PIK3R6: variants seen among roughly 807,000 people sequenced by gnomAD.
PIK3R6 encodes phosphoinositide-3-kinase regulatory subunit 6.
PIK3R6 carries 91 observed loss-of-function variants against 84.9 expected under a neutral mutation model. That is an observed-to-expected ratio of 1.07 (90% confidence interval 0.90 to 1.28). The LOEUF (loss-of-function observed/expected upper bound fraction) is 1.28, where lower values mean the gene tolerates loss of function less well. PIK3R6 is among the 50% of genes most tolerant of loss of function. The probability of loss-of-function intolerance (pLI) is 0.00; values close to 1 mark genes in which losing one functional copy is unlikely to be tolerated. For synonymous variants in PIK3R6, 416 were observed against 411.4 expected, an observed-to-expected ratio of 1.01 and a Z score of -0.13; for missense variants, 996 against 985.1, an observed-to-expected ratio of 1.01 and a Z score of -0.15.
chr17:8,842,440 A>G lies in PIK3R6; in HGVS notation c.14-2743T>C, dbSNP rs2088706841. 6.6e-6 allele frequency among the ~76,000 whole-genome samples: 1 copy of G among 151,930 alleles called. No individual in the cohort carries two copies. The highest frequency in any genetic ancestry group is 1.9e-4 in the East Asian group (1 of 5,176). On this transcript the variant is annotated intron_variant, in intron 2 of 19. Coordinates refer to ENST00000619866, the MANE Select transcript of PIK3R6 (RefSeq NM_001010855.4). The surrounding 1 kb of genome is among the most constrained non-coding windows in gnomAD (Gnocchi z 4.5). ...CTGACCCTTCTTCCTTTTCTCCTTCATTTGGAGTCAGATTTGCACCAGGGT... is the reference window on the plus strand; with the variant it reads ...CTGACCCTTCTTCCTTTTCTCCTTCGTTTGGAGTCAGATTTGCACCAGGGT...
chr17:8,816,968 C>T (rs866039419), intron 18 of PIK3R6, among the ~76,000 whole-genome samples: 14 of 152,168 alleles, frequency 9.2e-5, no homozygotes, highest in African/African-American at 3.1e-4. Context: ...GCTCACACTA[C>T]GCTTGTAATA....
At chr17:8,815,314 T>C (rs1161439547) in intron 18 of PIK3R6, among the ~76,000 whole-genome samples, 1 of 152,206 alleles carries the variant, frequency 6.6e-6, no homozygotes, top group African/African-American at 2.4e-5. Flanking sequence ...GAGACAATCC[T>C]GGCCAACGTG....
chr17:8,864,529 C>CTTTTT (rs35714531), intron 1 of PIK3R6, among the ~76,000 whole-genome samples: 1 of 65,542 alleles, frequency 1.5e-5, no homozygotes, highest in Non-Finnish European at 2.8e-5. Context: ...CTTCACAGCT[C>CTTTTT]TTTTTTTTTT....
At chr17:8,860,195 G>A (rs1159417763) in intron 1 of PIK3R6, among the ~76,000 whole-genome samples, 6 of 152,016 alleles carry the variant, frequency 3.9e-5, no homozygotes, top group Non-Finnish European at 7.4e-5. Context: ...GGCTGCGGAT[G>A]GGCACTGATC....
chr17:8,803,713 A>G lies in PIK3R6; in HGVS notation c.2109-284T>C. ...AGTAAGGGTCAGCTAACTGGAACAC[A>G]GATGCCACAGGTCAGCCTGTGTGGG... On this transcript the variant is annotated intron_variant, in intron 19 of 19. Transcript: ENST00000619866. This position sits in a 1 kb window ranked among gnomAD's most constrained non-coding sequence, Gnocchi z 5.0. The G allele has an allele frequency of 1.8e-6, 1 of 542,440 alleles. No individual in the cohort carries two copies. The highest frequency in any genetic ancestry group is 2.4e-5 in the South Asian group (1 of 42,114). The allele number at this position is 542,440 out of a possible 1,614,324, so 33.6% of individuals were successfully genotyped here.
At chr17:8,806,622 TG>T (rs1246692292) in intron 18 of PIK3R6, among the ~76,000 whole-genome samples, 6 of 152,240 alleles carry the variant, frequency 3.9e-5, no homozygotes, top group Non-Finnish European at 8.8e-5. Flanking sequence ...TCCCACTCTC[TG>T]TAAGACTAAG....
At chr17:8,820,300 T>A (rs1329032866) in intron 17 of PIK3R6, among the ~76,000 whole-genome samples, 1 of 151,862 alleles carries the variant, frequency 6.6e-6, no homozygotes, top group African/African-American at 2.4e-5. Flanking sequence ...AGAGTAGGGC[T>A]GGGAGTGGGG....
At chr17:8,865,669 G>A (rs1180840233) in intron 1 of PIK3R6, among the ~76,000 whole-genome samples, 1 of 151,542 alleles carries the variant, frequency 6.6e-6, no homozygotes, top group Non-Finnish European at 1.5e-5. Context: ...GACTAAGGGA[G>A]TGAGAGGACA....
intron 14 of PIK3R6, 126 bp downstream of exon 14, chr17:8,823,261 C>A (rs878869535): frequency 1.2e-6 from 1 of 816,922 alleles, no homozygotes; most frequent in Non-Finnish European, 2.0e-6. Flanking sequence ...AAGAAGGTAA[C>A]GTTAATAACC....
At chr17:8,850,058 C>T (rs2088907684) in intron 1 of PIK3R6, among the ~76,000 whole-genome samples, 173 bp from the exon 2 acceptor site, 1 of 152,138 alleles carries the variant, frequency 6.6e-6, no homozygotes, top group Non-Finnish European at 1.5e-5. Context: ...AATCCCAGCA[C>T]GTTGGGAGGC....
chr17:8,861,667 G>T (rs1054863915), intron 1 of PIK3R6, among the ~76,000 whole-genome samples: 3 of 152,144 alleles, frequency 2.0e-5, no homozygotes, highest in African/African-American at 7.2e-5. Context: ...AACTGTCGTG[G>T]TATCACAGTG....
chr17:8,804,383 G>C (rs566314382), intron 18 of PIK3R6, among the ~76,000 whole-genome samples: 1 of 152,238 alleles, frequency 6.6e-6, no homozygotes, highest in South Asian at 2.1e-4. Context: ...TGCCGTCCTT[G>C]ATTTTGAACA....
chr17:8,823,142 C>G, intron 14 of PIK3R6, 56 bp from the exon 15 acceptor site: 1 of 1,367,572 alleles, frequency 7.3e-7, no homozygotes, highest in South Asian at 1.2e-5. Context: ...ATCACTCTAT[C>G]CCTGATTTCC....
At chr17:8,805,484 T>C (rs558212477) in intron 18 of PIK3R6, among the ~76,000 whole-genome samples, 12 of 152,248 alleles carry the variant, frequency 7.9e-5, no homozygotes, top group African/African-American at 2.9e-4. Flanking sequence ...CACCCCGCTA[T>C]GCATAGACTC....
intron 1 of PIK3R6, among the ~76,000 whole-genome samples, chr17:8,854,498 C>A (rs541421425): frequency 2.0e-5 from 3 of 152,118 alleles, no homozygotes; most frequent in Admixed American, 2.0e-4. Context: ...AAGGGCTAGA[C>A]ACATAAATCA....
In PIK3R6 at chr17:8,857,676, C is replaced by T. The variant is rs114151639; in HGVS notation, c.-91-7791G>A. ...TTCCCCTTTGGGAGGCTGAGGCAGG[C>T]GGATCACAAGATCAGGGATCGAGAC... On this transcript the variant is annotated intron_variant, in intron 1 of 19. Transcript: ENST00000619866. Among the ~76,000 whole-genome samples the T allele has an allele frequency of 3.8e-3, 581 of 152,108 alleles. 1 individual carries two copies. Among genetic ancestry groups the T allele is most frequent in the African/African-American group, 0.013 (551 of 41,494 alleles).
intron 18 of PIK3R6, among the ~76,000 whole-genome samples, chr17:8,809,545 T>C (rs1394276427): frequency 6.6e-6 from 1 of 152,156 alleles, no homozygotes; most frequent in Non-Finnish European, 1.5e-5. Flanking sequence ...TTTGGGATGC[T>C]TGAGTTCCAG....
intron 9 of PIK3R6, among the ~76,000 whole-genome samples, chr17:8,831,592 T>C (rs897102324): frequency 6.6e-6 from 1 of 152,080 alleles, no homozygotes; most frequent in African/African-American, 2.4e-5. Flanking sequence ...ACTTCGAAGA[T>C]GGAGTCTTTA....
rs1567577547 is a variant in PIK3R6 at position 8,822,990 on chromosome 17, G to GCTTA, written c.1717+2_1717+5dup. 1 of 1,589,212 alleles carries GCTTA rather than the reference G, an allele frequency of 6.3e-7. No homozygotes were observed. Among genetic ancestry groups the GCTTA allele is most frequent in the Admixed American group, 1.7e-5 (1 of 59,990 alleles). Reference sequence around the variant, plus strand: ...GACCTTTGGCAAAAGGGAGGCAGATGCTTACCTTTGGGGAATTTAGAATCT... The same window carrying GCTTA: ...GACCTTTGGCAAAAGGGAGGCAGATGCTTACTTACCTTTGGGGAATTTAGAATCT... On this transcript the variant is annotated splice_donor_region_variant and intron_variant, in intron 15 of 19. Coordinates refer to ENST00000619866, the MANE Select transcript of PIK3R6 (RefSeq NM_001010855.4).
Sources: gnomAD v4.1 joint callset for allele counts (sites outside exome capture counted in the v4.1 genomes callset) on GRCh38, gnomAD v4.1.1 for gene constraint, Gnocchi (gnomAD v3.1) non-coding constraint, MANE v1.5 for transcripts, NCBI Gene and HGNC (gene_info 2026-07-23, HGNC 2026-07-21) for gene names.